CDH18: variants seen among roughly 807,000 people sequenced by gnomAD.
CDH18 encodes the protein cadherin-18.
Under a neutral mutation model 67.9 loss-of-function variants are expected in CDH18, and 31 were observed. That is an observed-to-expected ratio of 0.46 (90% CI 0.34 to 0.62). CDH18 has a LOEUF of 0.62. Among genes scored for constraint, CDH18 ranks in the 20% least tolerant of loss-of-function variants. CDH18 has a pLI of 0.01. For synonymous variants in CDH18, 362 were observed against 347.2 expected (o/e 1.04, Z -0.48); for missense variants, 890 against 975.5 (o/e 0.91, Z 1.17).
intron 5 of CDH18, among the ~76,000 whole-genome samples, chr5:19,645,432 T>C (rs1754602243): frequency 6.6e-6 from 1 of 151,970 alleles, no homozygotes; most frequent in Non-Finnish European, 1.5e-5. Flanking sequence ...GGAGGTAAAG[T>C]AACGGGAGAG....
intron 2 of CDH18, among the ~76,000 whole-genome samples, chr5:20,102,807 T>C (rs562080364): frequency 3.3e-5 from 5 of 151,998 alleles, no homozygotes; most frequent in Non-Finnish European, 5.9e-5. Context: ...GAGTCAAAAT[T>C]CTTTAATTTA....
intron 1 of CDH18, among the ~76,000 whole-genome samples, chr5:20,363,033 C>T (rs1197729789): frequency 6.6e-6 from 1 of 152,170 alleles, no homozygotes; most frequent in South Asian, 2.1e-4. Flanking sequence ...CCTTTGCCAC[C>T]TTTTATCTAT....
intron 1 of CDH18, among the ~76,000 whole-genome samples, chr5:20,497,630 A>C (rs1259431392): frequency 6.6e-6 from 1 of 152,124 alleles, no homozygotes; most frequent in African/African-American, 2.4e-5. Context: ...CTTTGTTGTT[A>C]AACAATGCAT....
At chr5:20,164,857 C>T (rs1237253054) in intron 2 of CDH18, among the ~76,000 whole-genome samples, 2 of 152,040 alleles carry the variant, frequency 1.3e-5, no homozygotes, top group African/African-American at 2.4e-5. Flanking sequence ...GTTTGCATAA[C>T]CCATCTCATA....
intron 2 of CDH18, among the ~76,000 whole-genome samples, chr5:19,862,960 C>T (rs1785063636): frequency 6.6e-6 from 1 of 151,948 alleles, no homozygotes. Flanking sequence ...GTTGGTTGGT[C>T]ACAGGCAGAG....
chr5:20,201,222 C>G (rs925188), intron 2 of CDH18, among the ~76,000 whole-genome samples: 1 of 151,574 alleles, frequency 6.6e-6, no homozygotes, highest in Non-Finnish European at 1.5e-5. Flanking sequence ...TGTCCTCCTA[C>G]AGCCATCTTC....
chr5:19,578,358 C>A (rs917857720), intron 7 of CDH18, among the ~76,000 whole-genome samples: 2 of 152,146 alleles, frequency 1.3e-5, no homozygotes, highest in African/African-American at 4.8e-5. Flanking sequence ...ACAAGCTTCT[C>A]ATTTTCTTAT....
At chr5:20,538,034 A>T (rs953511756) in intron 1 of CDH18, among the ~76,000 whole-genome samples, 2 of 152,142 alleles carry the variant, frequency 1.3e-5, no homozygotes, top group African/African-American at 2.4e-5. Context: ...CTATTTTTTG[A>T]TAGGAAATAC....
intron 2 of CDH18, among the ~76,000 whole-genome samples, chr5:20,176,477 T>G (rs1313930715): frequency 6.6e-6 from 1 of 152,166 alleles, no homozygotes; most frequent in African/African-American, 2.4e-5. Flanking sequence ...AAAGTGGACA[T>G]AATAGTTTTA....
At chr5:20,072,750 T>C (rs1310186658) in intron 2 of CDH18, among the ~76,000 whole-genome samples, 1 of 151,770 alleles carries the variant, frequency 6.6e-6, no homozygotes, top group Non-Finnish European at 1.5e-5. Context: ...GAATAGCAAA[T>C]GGTATCATTT....
At chr5:20,159,804 T>G (rs1751831981) in intron 2 of CDH18, among the ~76,000 whole-genome samples, 1 of 152,184 alleles carries the variant, frequency 6.6e-6, no homozygotes. Context: ...CTATGGCTTC[T>G]CTTTGCCTCA....
chr5:20,469,459 A>G (rs1751895469), intron 1 of CDH18, among the ~76,000 whole-genome samples: 1 of 152,176 alleles, frequency 6.6e-6, no homozygotes, highest in African/African-American at 2.4e-5. Context: ...TATTGGATAT[A>G]TACTGTGCTG....
Position 20,258,184 on chromosome 5 carries a change from T to C in CDH18, c.-579-2679A>G, listed in dbSNP as rs758217708. Among the ~76,000 whole-genome samples, 139 of 152,074 alleles carry C rather than the reference T, an allele frequency of 9.1e-4. 2 individuals are homozygous for C. The highest frequency in any genetic ancestry group is 5.3e-4 in the Non-Finnish European group (36 of 67,994). ...CTTTTGTTGTAAGTTTCTAATTGCA[T>C]TTTTATAGAACCAGGCCAAATAAAA... is the stretch of plus-strand genomic sequence containing the variant. On this transcript the variant is annotated intron_variant, in intron 1 of 14. Transcript: ENST00000507958.
At chr5:20,228,255 T>C (rs960108193) in intron 2 of CDH18, among the ~76,000 whole-genome samples, 2 of 152,032 alleles carry the variant, frequency 1.3e-5, no homozygotes, top group African/African-American at 4.8e-5. Flanking sequence ...TTATTTTGAC[T>C]AGAAATTTTT....
At chr5:19,807,844 T>C (rs926436344) in intron 3 of CDH18, among the ~76,000 whole-genome samples, 1 of 152,188 alleles carries the variant, frequency 6.6e-6, no homozygotes, top group Non-Finnish European at 1.5e-5. Context: ...TTCTCATCAT[T>C]GTTTATACTT....
intron 3 of CDH18, among the ~76,000 whole-genome samples, chr5:19,834,579 T>C (rs1386298958): frequency 1.3e-5 from 2 of 152,126 alleles, no homozygotes; most frequent in Non-Finnish European, 2.9e-5. Context: ...CTGGATTAGT[T>C]TGTTCTTGCC....
chr5:19,909,950 C>T lies in CDH18; in HGVS notation c.-256-70708G>A, dbSNP rs186760194. Among the ~76,000 whole-genome samples, 274 of 152,144 alleles carry T rather than the reference C, an allele frequency of 1.8e-3. 1 individual carries two copies. Among genetic ancestry groups the T allele is most frequent in the African/African-American group, 6.3e-3 (262 of 41,496 alleles). ...GCGTTGAATTGTATGTCATTTTCAT[C>T]TTTTTTACCCATGAACATAGATTAA... On this transcript the variant is annotated intron_variant, in intron 2 of 12. Coordinates refer to ENST00000382275, the MANE Select transcript of CDH18 (RefSeq NM_004934.5).
At chr5:20,322,339 A>C (rs967207107) in intron 1 of CDH18, among the ~76,000 whole-genome samples, 1 of 152,082 alleles carries the variant, frequency 6.6e-6, no homozygotes, top group Non-Finnish European at 1.5e-5. Flanking sequence ...GATAACTAAA[A>C]TTAAAGTTGC....
chr5:19,773,796 A>G (rs1028815850), intron 3 of CDH18, among the ~76,000 whole-genome samples: 6 of 152,244 alleles, frequency 3.9e-5, no homozygotes, highest in Admixed American at 3.9e-4. Flanking sequence ...CATAAATGAG[A>G]CATCAGAAAA....
Sources: gnomAD v4.1 joint callset for allele counts (sites outside exome capture counted in the v4.1 genomes callset) on GRCh38, gnomAD v4.1.1 for gene constraint, MANE v1.5 for transcripts, NCBI Gene and HGNC (gene_info 2026-07-23, HGNC 2026-07-21) for gene names.